ANKRD2: variants seen among roughly 807,000 people sequenced by gnomAD.
The protein encoded by ANKRD2 is ankyrin repeat domain-containing protein 2.
A neutral mutation model predicts 37.3 loss-of-function variants in ANKRD2; 35 were observed. The observed-to-expected ratio is 0.94, with a 90% CI of 0.72 to 1.24. The LOEUF is 1.24. Ranked by LOEUF, ANKRD2 falls within the 50% of genes most tolerant of loss-of-function variation. The probability of loss-of-function intolerance (pLI) is 0.00; values close to 1 mark genes in which losing one functional copy is unlikely to be tolerated. For synonymous variants in ANKRD2, 159 were observed against 186.5 expected, an observed-to-expected ratio of 0.85 and a Z score of 1.20; for missense variants, 410 against 445.6, an observed-to-expected ratio of 0.92 and a Z score of 0.72.
chr10:97,577,169 ATTAT>A (rs1239812310), intron 1 of ANKRD2, among the ~76,000 whole-genome samples: 2 of 151,778 alleles, frequency 1.3e-5, no homozygotes, highest in African/African-American at 2.4e-5. Flanking sequence ...CGCTTGGCTA[ATTAT>A]TTAATTTTTT....
chr10:97,572,962 G>T, intron 1 of ANKRD2, 87 bp downstream of exon 1: 1 of 1,472,980 alleles, frequency 6.8e-7, no homozygotes, highest in Non-Finnish European at 9.1e-7. Context: ...TGCTACACCT[G>T]TGGTGGGGAG....
chr10:97,573,243 AG>A (rs1051179507), intron 1 of ANKRD2, among the ~76,000 whole-genome samples: 11 of 152,190 alleles, frequency 7.2e-5, no homozygotes, highest in African/African-American at 2.2e-4. Context: ...AGGCTGGGGC[AG>A]GGGAAACTCC....
At position 97,578,264 on chromosome 10, in the gene ANKRD2, T is replaced by A. The variant is rs768858544; in HGVS notation, c.214T>A (p.Ser72Thr). Residue 72 changes from serine to threonine, a missense_variant, in exon 3 of 9, where the codon TCC becomes ACC. Ser to Thr is a moderately conservative substitution (Grantham distance 58). Transcript: ENST00000370655. Reference sequence around the variant, plus strand: ...GGGCCAAGAGCGCGTGCGCAAGACGTCCCTGGACCTGCGGCGGGAGATCAT... The same window carrying A: ...GGGCCAAGAGCGCGTGCGCAAGACGACCCTGGACCTGCGGCGGGAGATCAT... The part of the protein sequence containing the change: ...VKGQERVRKT[S>T]LDLRREIIDV... 6.2e-7 allele frequency: 1 copy of A among 1,611,510 alleles called. No individual in the cohort carries two copies. The highest frequency in any genetic ancestry group is 8.5e-7 in the Non-Finnish European group (1 of 1,179,750).
At chr10:97,573,400 C>A (rs1264479473) in intron 1 of ANKRD2, among the ~76,000 whole-genome samples, 1 of 150,776 alleles carries the variant, frequency 6.6e-6, no homozygotes, top group Non-Finnish European at 1.5e-5. Flanking sequence ...GGAAGTGGAG[C>A]GGTGGCAGGG....
chr10:97,578,180 TC>T, intron 2 of ANKRD2, 59 bp from the exon 3 acceptor site: 2 of 609,828 alleles, frequency 3.3e-6, no homozygotes, highest in Middle Eastern at 5.1e-4. Flanking sequence ...AGCTCAGAGG[TC>T]TCCCAAGCCC....
At chr10:97,572,500 A>G (rs1029444093), upstream of ANKRD2, 9 of 589,232 alleles carry the variant, frequency 1.5e-5, no homozygotes, top group Non-Finnish European at 2.0e-5. Context: ...CTAAGGCCCA[A>G]CCAGTCCCAA....
rs188458159 is a variant in ANKRD2 at position 97,574,504 on chromosome 10, T to G, written c.87+1629T>G. 4.6e-5 allele frequency among the ~76,000 whole-genome samples: 7 copies of G among 152,306 alleles called. No individual in the cohort carries two copies. In the East Asian group the frequency reaches 1.3e-3, roughly 29 times the overall value. ...GAGAGGGCCATGTAAAAGATATTTA[T>G]TCTGTGGGCAGTGAGGAGCCACTAA... On this transcript the variant is annotated intron_variant, in intron 1 of 8. Coordinates refer to ENST00000370655, the MANE Select transcript of ANKRD2 (RefSeq NM_001346793.2).
Position 97,583,592 on chromosome 10 carries a change from C to A in ANKRD2, c.869C>A (p.Thr290Lys), listed in dbSNP as rs767072290. 1 of 1,604,136 alleles carries A rather than the reference C, an allele frequency of 6.2e-7. No homozygotes were observed. Among genetic ancestry groups the A allele is most frequent in the African/African-American group, 1.3e-5 (1 of 74,792 alleles). ...CCCCTCCAGGCAGGAAAGACCCCGA[C>A]GGACCTGGTGCAGCTCTGGCAGGCT... is the stretch of plus-strand genomic sequence containing the variant. ...MTKNLAGKTPTDLVQLWQADT... is the reference protein window; with the variant it reads ...MTKNLAGKTPKDLVQLWQADT... The change falls in exon 9 of 9, where the codon ACG (threonine) becomes AAG (lysine). Residue 290 changes from threonine (T) to lysine (K), a missense_variant. Transcript: ENST00000370655.
In ANKRD2 at chr10:97,575,910, C is replaced by CA. The variant is rs5787245; in HGVS notation, c.88-1874dup. Reference sequence around the variant, plus strand: ...TGGGTGACAGAGTGGGACTCGGTCTCAAAAAAAAAAAAAAAATACACAAGC... The same window carrying CA: ...TGGGTGACAGAGTGGGACTCGGTCTCAAAAAAAAAAAAAAAAATACACAAGC... On this transcript the variant is annotated intron_variant, in intron 1 of 8. Transcript: ENST00000370655. 4.2e-3 allele frequency among the ~76,000 whole-genome samples: 570 copies of CA among 136,182 alleles called. 5 individuals carry two copies. Among genetic ancestry groups the CA allele is most frequent in the African/African-American group, 0.011 (394 of 35,288 alleles). The allele number at this position is 136,182 out of a possible 152,430, so 89.3% of individuals were successfully genotyped here.
At chr10:97,582,843 C>T in intron 8 of ANKRD2, 141 bp downstream of exon 8, 1 of 693,616 alleles carries the variant, frequency 1.4e-6, no homozygotes, top group Admixed American at 2.3e-5. Flanking sequence ...AACTTGTCCT[C>T]TTCCAGAGCA....
At chr10:97,579,398 T>C (rs948211023) in intron 4 of ANKRD2, among the ~76,000 whole-genome samples, 2 of 148,722 alleles carry the variant, frequency 1.3e-5, no homozygotes, top group Non-Finnish European at 3.0e-5. Flanking sequence ...CTTTCGCCTC[T>C]TGGGCTCAAG....
At chr10:97,580,064 A>T (rs1341269981) in intron 4 of ANKRD2, among the ~76,000 whole-genome samples, 1 of 152,242 alleles carries the variant, frequency 6.6e-6, no homozygotes, top group Admixed American at 6.5e-5. Context: ...GACTTGGACC[A>T]CATGTCCTTT....
intron 2 of ANKRD2, 76 bp from the exon 3 acceptor site, chr10:97,578,164 C>CCCAAA: frequency 2.2e-6 from 3 of 1,387,882 alleles, no homozygotes; most frequent in Non-Finnish European, 2.9e-6. Flanking sequence ...CCCTCCCCAC[C>CCCAAA]AGCTTAGCTC....
intron 2 of ANKRD2, 59 bp downstream of exon 2, chr10:97,577,960 G>C (rs756359920): frequency 5.3e-5 from 78 of 1,467,854 alleles, no homozygotes; most frequent in Non-Finnish European, 6.7e-5. Flanking sequence ...GCCATGGCCT[G>C]TCTGCACCTC....
At chr10:97,583,450 A>G (rs2040928711) in intron 8 of ANKRD2, 126 bp from the exon 9 acceptor site, 2 of 938,722 alleles carry the variant, frequency 2.1e-6, no homozygotes, top group Non-Finnish European at 3.1e-6. Flanking sequence ...GTATCTTCAC[A>G]CAATGCCAGT....
intron 1 of ANKRD2, among the ~76,000 whole-genome samples, chr10:97,576,928 G>A (rs12263477): frequency 0.053 from 8,098 of 152,024 alleles, 581 homozygotes; most frequent in African/African-American, 0.16. Flanking sequence ...GAACTCCTGG[G>A]CTCAAGCAAT....
intron 1 of ANKRD2, among the ~76,000 whole-genome samples, chr10:97,573,484 A>G (rs2040785589): frequency 6.6e-6 from 1 of 151,788 alleles, no homozygotes; most frequent in Non-Finnish European, 1.5e-5. Flanking sequence ...CTGGAGTGCA[A>G]TGCATGATCT....
upstream of ANKRD2, chr10:97,572,731 A>C (rs12221474): frequency 0.29 from 461,624 of 1,602,640 alleles, 69,276 homozygotes; most frequent in East Asian, 0.5. Context: ...CCAGCTGGGC[A>C]GGGGTGGGTG....
chr10:97,581,497 G>T lies in ANKRD2; in HGVS notation c.654+83G>T, dbSNP rs570095548. 7 of 1,363,740 alleles carry T rather than the reference G, an allele frequency of 5.1e-6. No individual in the cohort carries two copies. The African/African-American group carries it at 7.2e-5, about 14-fold the overall frequency. 84.5% of individuals were successfully genotyped at this position (1,363,740 alleles called of 1,614,324 possible). A position where few individuals can be genotyped will look rare whatever the true frequency, so the allele number is the denominator to read the frequency against. Reference sequence around the variant, plus strand: ...GGGGTCCAAGGGCAGGAAAGCCTAGGGGGCAGGAAGGTAGTGAGCTAGTCT... The same window carrying T: ...GGGGTCCAAGGGCAGGAAAGCCTAGTGGGCAGGAAGGTAGTGAGCTAGTCT... On this transcript the variant is annotated intron_variant, in intron 6 of 8. Coordinates refer to ENST00000370655, the MANE Select transcript of ANKRD2 (RefSeq NM_001346793.2).
Sources: allele counts gnomAD v4.1 joint callset (sites outside exome capture counted in the v4.1 genomes callset), GRCh38; gene constraint gnomAD v4.1.1; transcripts MANE v1.5; gene names NCBI Gene and HGNC (gene_info 2026-07-23, HGNC 2026-07-21).